The following PIK3AP1 variants were observed in gnomAD, a reference collection of about 807,000 sequenced individuals.
The protein encoded by PIK3AP1 is phosphoinositide 3-kinase adapter protein 1.
PIK3AP1 carries 21 observed loss-of-function variants against 88.1 expected under a neutral mutation model. The ratio of observed to expected loss-of-function variants is 0.24; its 90% CI spans 0.17 to 0.34. The LOEUF (loss-of-function observed/expected upper bound fraction) is 0.34. Among genes scored for constraint, PIK3AP1 ranks in the 10% least tolerant of loss-of-function variants. The probability of loss-of-function intolerance (pLI) is 1.00; values close to 1 mark genes in which losing one functional copy is unlikely to be tolerated. For synonymous variants in PIK3AP1, 398 were observed against 400.0 expected (o/e 1.00, Z 0.06); for missense variants, 828 against 1,035.7 (o/e 0.80, Z 2.75).
chr10:96,711,844 G>A (rs1203197600), intron 1 of PIK3AP1, among the ~76,000 whole-genome samples: 1 of 141,428 alleles, frequency 7.1e-6, no homozygotes, highest in African/African-American at 2.6e-5. Flanking sequence ...TCCGCCTCCC[G>A]GGTTCACGCC....
At chr10:96,681,813 G>C (rs1403110756) in intron 2 of PIK3AP1, among the ~76,000 whole-genome samples, 1 of 152,106 alleles carries the variant, frequency 6.6e-6, no homozygotes, top group Non-Finnish European at 1.5e-5. Flanking sequence ...AAATTATCCT[G>C]AGTGCCTGTA....
chr10:96,595,492 A>G lies in PIK3AP1; in HGVS notation c.*85T>C. On this transcript the variant is annotated 3_prime_UTR_variant, in exon 17 of 17. Coordinates refer to ENST00000339364, the MANE Select transcript of PIK3AP1 (RefSeq NM_152309.3). ...GGATCTTAAGGTCAACAGTCATGCT[A>G]TAAAACTCAACATGAAGACATCATT... The G allele has an allele frequency of 1.9e-5, 26 of 1,372,386 alleles. No individual in the cohort carries two copies. The highest frequency in any genetic ancestry group is 2.7e-5 in the Non-Finnish European group (26 of 965,940). The allele number at this position is 1,372,386 out of a possible 1,614,324, so 85.0% of individuals were successfully genotyped here.
intron 7 of PIK3AP1, among the ~76,000 whole-genome samples, chr10:96,646,707 T>C (rs1843465492): frequency 6.6e-6 from 1 of 152,158 alleles, no homozygotes; most frequent in Non-Finnish European, 1.5e-5. Flanking sequence ...TTATGTCCTA[T>C]GTGCCCAAAA....
intron 16 of PIK3AP1, among the ~76,000 whole-genome samples, chr10:96,601,849 A>T (rs1848902652): frequency 6.6e-6 from 1 of 152,224 alleles, no homozygotes; most frequent in Admixed American, 6.5e-5. Flanking sequence ...GTCCACATTG[A>T]AATGTGTCCA....
Position 96,645,915 on chromosome 10 carries a change from C to T in PIK3AP1, c.1186-253G>A, listed in dbSNP as rs11815398. 8.2e-3 allele frequency among the ~76,000 whole-genome samples: 1,250 copies of T among 152,202 alleles called. 15 individuals are homozygous for T. The highest frequency in any genetic ancestry group is 0.029 in the African/African-American group (1,184 of 41,516). On this transcript the variant is annotated intron_variant, in intron 7 of 16. Transcript: ENST00000339364. The stretch of plus-strand genomic sequence containing the variant: ...ACAACACTAAGCACAGAGTTAGGCA[C>T]TCAGGAAATACTCGTTAAATGTCCA...
intron 1 of PIK3AP1, among the ~76,000 whole-genome samples, chr10:96,715,720 C>T (rs1017523604): frequency 7.2e-5 from 11 of 151,802 alleles, no homozygotes; most frequent in Non-Finnish European, 1.6e-4. Flanking sequence ...GAAAACCCGT[C>T]TCTACTAAAA....
intron 7 of PIK3AP1, 91 bp from the exon 8 acceptor site, chr10:96,645,753 T>TAAAG (rs1455728545): frequency 1.8e-6 from 2 of 1,105,358 alleles, no homozygotes; most frequent in Non-Finnish European, 2.6e-6. Context: ...GCCAGCAAAG[T>TAAAG]AAAGGCTCCC....
At chr10:96,695,387 T>G (rs1844206701) in intron 2 of PIK3AP1, among the ~76,000 whole-genome samples, 1 of 152,230 alleles carries the variant, frequency 6.6e-6, no homozygotes, top group Admixed American at 6.5e-5. Flanking sequence ...TAACTGCAAC[T>G]ACAGCCTCAA....
At chr10:96,674,703 G>GA (rs1481758740) in intron 2 of PIK3AP1, among the ~76,000 whole-genome samples, 1 of 152,216 alleles carries the variant, frequency 6.6e-6, no homozygotes, top group African/African-American at 2.4e-5. Flanking sequence ...CCTCAGGGAG[G>GA]ACCACTGTAA....
chr10:96,623,398 G>A (rs569490978), intron 11 of PIK3AP1, 74 bp downstream of exon 11: 2 of 1,374,622 alleles, frequency 1.5e-6, no homozygotes, highest in East Asian at 4.6e-5. Context: ...AGGAGCTATT[G>A]TTACACTTGG....
chr10:96,706,894 C>G (rs1844371388), intron 2 of PIK3AP1, among the ~76,000 whole-genome samples: 1 of 152,208 alleles, frequency 6.6e-6, no homozygotes, highest in South Asian at 2.1e-4. Context: ...GATCTTGAAT[C>G]CCCAAATTCA....
rs185407288 is a variant in PIK3AP1, at chr10:96,604,426, G to C, written c.2171-377C>G. The stretch of plus-strand genomic sequence containing the variant: ...TTGCACAGGCTGGTCTTCAACTCTT[G>C]GGCTCAAGCGATCCTCCTGCCTCAG... On this transcript the variant is annotated intron_variant, in intron 14 of 16. Transcript: ENST00000339364. 3.1e-3 allele frequency among the ~76,000 whole-genome samples: 416 copies of C among 133,740 alleles called. 1 individual carries two copies. Among genetic ancestry groups the C allele is most frequent in the African/African-American group, 0.011 (379 of 35,380 alleles). 87.7% of individuals were successfully genotyped at this position (133,740 alleles called of 152,430 possible).
intron 16 of PIK3AP1, among the ~76,000 whole-genome samples, chr10:96,597,633 G>T (rs1166990286): frequency 1.3e-5 from 2 of 152,080 alleles, no homozygotes; most frequent in East Asian, 3.9e-4. Context: ...CTCTGCAATT[G>T]TTTTCTCATC....
intron 3 of PIK3AP1, among the ~76,000 whole-genome samples, chr10:96,656,355 C>T (rs561846246): frequency 3.3e-5 from 5 of 152,288 alleles, no homozygotes; most frequent in East Asian, 1.9e-4. Flanking sequence ...CAGTTGGTTT[C>T]AGCCGTCAAG....
chr10:96,697,476 A>G (rs569354210), intron 2 of PIK3AP1, among the ~76,000 whole-genome samples: 2 of 152,314 alleles, frequency 1.3e-5, no homozygotes, highest in East Asian at 3.9e-4. Context: ...TGTCATCACA[A>G]CACTTTGGGA....
intron 2 of PIK3AP1, among the ~76,000 whole-genome samples, chr10:96,676,639 C>A (rs1292815165): frequency 7.1e-6 from 1 of 141,350 alleles, no homozygotes; most frequent in Non-Finnish European, 1.5e-5. Flanking sequence ...AAAACACACA[C>A]GGGGATTTTC....
intron 1 of PIK3AP1, among the ~76,000 whole-genome samples, chr10:96,715,302 A>G (rs921578810): frequency 6.6e-6 from 1 of 152,204 alleles, no homozygotes; most frequent in Non-Finnish European, 1.5e-5. Context: ...ATCAGAGAAA[A>G]TCACAGCCTT....
At chr10:96,640,974 C>A (rs772019310) in intron 8 of PIK3AP1, among the ~76,000 whole-genome samples, 9 of 151,984 alleles carry the variant, frequency 5.9e-5, no homozygotes, top group Admixed American at 1.3e-4. Context: ...ATCTGTGGGG[C>A]CTTGATCAAA....
At chr10:96,629,927 A>AAAAAAAAAAAAAAAAAAAAAAAG (rs1564961851) in intron 8 of PIK3AP1, among the ~76,000 whole-genome samples, 2 of 14,642 alleles carry the variant, frequency 1.4e-4, no homozygotes, top group Non-Finnish European at 1.8e-4. Context: ...AAAAAAAAAA[A>AAAAAAAAAAAAAAAAAAAAAAAG]AAAAAGAAGA....
Sources: gnomAD v4.1 joint callset for allele counts (sites outside exome capture counted in the v4.1 genomes callset) on GRCh38, gnomAD v4.1.1 for gene constraint, MANE v1.5 for transcripts, NCBI Gene and HGNC (gene_info 2026-07-23, HGNC 2026-07-21) for gene names.